The following CLASP1 variants were observed in gnomAD, a reference collection of about 807,000 sequenced individuals.
CLASP1 encodes cytoplasmic linker associated protein 1, also known as CLIP-associating protein 1.
A neutral mutation model predicts 192.3 loss-of-function variants in CLASP1; 38 were observed. The ratio of observed to expected loss-of-function variants is 0.20; its 90% CI spans 0.15 to 0.26. The LOEUF is 0.26. Ranked by LOEUF, CLASP1 falls within the 10% of genes least tolerant of loss-of-function variation. CLASP1 has a pLI of 1.00. For synonymous variants in CLASP1, 691 were observed against 712.8 expected (o/e 0.97, Z 0.49); for missense variants, 1,433 against 1,932.5 (o/e 0.74, Z 4.85).
intron 2 of CLASP1, among the ~76,000 whole-genome samples, chr2:121,542,433 G>C (rs1470563689): frequency 1.3e-5 from 2 of 152,132 alleles, no homozygotes; most frequent in African/African-American, 2.4e-5. Flanking sequence ...ACTAAGTAAG[G>C]AGAAATTAGC....
At chr2:121,458,487 C>T (rs957793349) in intron 13 of CLASP1, among the ~76,000 whole-genome samples, 4 of 152,094 alleles carry the variant, frequency 2.6e-5, no homozygotes, top group South Asian at 2.1e-4. Context: ...ATACCTAAAA[C>T]GGAAGGACTG....
intron 10 of CLASP1, 104 bp from the exon 11 acceptor site, chr2:121,461,297 A>AT (rs2087885473): frequency 1.5e-6 from 1 of 659,644 alleles, no homozygotes; most frequent in South Asian, 2.1e-5. Flanking sequence ...AAAAGAAATT[A>AT]TTTTTTTAAG....
intron 2 of CLASP1, among the ~76,000 whole-genome samples, chr2:121,603,576 G>A (rs1364438266): frequency 1.3e-5 from 2 of 152,140 alleles, no homozygotes; most frequent in Non-Finnish European, 1.5e-5. Context: ...CCCACTAGTG[G>A]GAATTTATTC....
At chr2:121,379,528 T>C (rs1392975029) in intron 33 of CLASP1, among the ~76,000 whole-genome samples, 2 of 152,152 alleles carry the variant, frequency 1.3e-5, no homozygotes, top group Non-Finnish European at 2.9e-5. Flanking sequence ...CTATTTTTTA[T>C]ATATAAAGAC....
At chr2:121,404,308 A>G (rs2076585126) in intron 26 of CLASP1, 63 bp downstream of exon 27, 5 of 1,585,028 alleles carry the variant, frequency 3.2e-6, no homozygotes, top group South Asian at 2.3e-5. Flanking sequence ...CTTGGGTAGT[A>G]TATCACACAG....
chr2:121,614,124 G>C (rs995806345), intron 1 of CLASP1, among the ~76,000 whole-genome samples: 27 of 152,340 alleles, frequency 1.8e-4, no homozygotes, highest in African/African-American at 6.3e-4. Flanking sequence ...GGACTCCTGA[G>C]ACCTGGGATC....
chr2:121,416,550 G>GT (rs1399463156), intron 23 of CLASP1, among the ~76,000 whole-genome samples: 4 of 152,148 alleles, frequency 2.6e-5, no homozygotes, highest in African/African-American at 4.8e-5. Context: ...TTCAGAGGAT[G>GT]TGTAGTAAGC....
chr2:121,382,889 T>A (rs541569711), intron 32 of CLASP1, among the ~76,000 whole-genome samples: 1 of 152,370 alleles, frequency 6.6e-6, no homozygotes, highest in East Asian at 1.9e-4. Context: ...CAGCACAAGC[T>A]GTTTCCTTCT....
intron 34 of CLASP1, among the ~76,000 whole-genome samples, chr2:121,373,290 G>T (rs2069175011): frequency 1.3e-5 from 2 of 152,198 alleles, no homozygotes; most frequent in African/African-American, 4.8e-5. Context: ...TGCCATGATT[G>T]TAAGTTTCCT....
chr2:121,436,261 T>C (rs2082298283), intron 19 of CLASP1, among the ~76,000 whole-genome samples: 1 of 151,742 alleles, frequency 6.6e-6, no homozygotes, highest in Non-Finnish European at 1.5e-5. Context: ...CAAACTCCTG[T>C]CCTCAAGCGA....
At chr2:121,619,842 C>G (rs2067036444) in intron 1 of CLASP1, among the ~76,000 whole-genome samples, 1 of 152,022 alleles carries the variant, frequency 6.6e-6, no homozygotes, top group Non-Finnish European at 1.5e-5. Context: ...AAAGATGAAA[C>G]AAGATGGACA....
intron 23 of CLASP1, among the ~76,000 whole-genome samples, chr2:121,417,238 G>A (rs188048874): frequency 1.9e-4 from 29 of 152,236 alleles, no homozygotes; most frequent in Admixed American, 8.5e-4. Context: ...CACCTTGCCT[G>A]CTCCACATGC....
chr2:121,471,530 A>G (rs1184474974), intron 8 of CLASP1, among the ~76,000 whole-genome samples: 6 of 152,086 alleles, frequency 3.9e-5, no homozygotes, highest in Non-Finnish European at 5.9e-5. Context: ...AAACACACAA[A>G]TAGAATCCTG....
rs115041722 is a variant in CLASP1 at position 121,476,505 on chromosome 2, G to A, written c.713-6545C>T. On this transcript the variant is annotated intron_variant, in intron 8 of 39. Transcript: ENST00000263710. Reference sequence around the variant, plus strand: ...AAGCTTTGGGCCATACTGTTCGCTCGGAAAATTTAAACACTCATCTATAAC... The same window carrying A: ...AAGCTTTGGGCCATACTGTTCGCTCAGAAAATTTAAACACTCATCTATAAC... Among the ~76,000 whole-genome samples, 775 of 152,224 alleles carry A rather than the reference G, an allele frequency of 5.1e-3. 3 individuals are homozygous for A. Among genetic ancestry groups the A allele is most frequent in the Middle Eastern group, 0.024 (7 of 294 alleles).
At chr2:121,524,377 A>C (rs1429163173) in intron 6 of CLASP1, among the ~76,000 whole-genome samples, 3 of 152,156 alleles carry the variant, frequency 2.0e-5, no homozygotes, top group Non-Finnish European at 1.5e-5. Context: ...AGTACAATTT[A>C]TTTTTAAATT....
intron 1 of CLASP1, among the ~76,000 whole-genome samples, chr2:121,612,439 G>A (rs2105998979): frequency 6.6e-6 from 1 of 151,428 alleles, no homozygotes; most frequent in Non-Finnish European, 1.5e-5. Flanking sequence ...AGAGGAGGAG[G>A]ACTTGGAGGA....
intron 37 of CLASP1, among the ~76,000 whole-genome samples, chr2:121,354,022 G>T (rs1201763425): frequency 6.6e-6 from 1 of 152,092 alleles, no homozygotes; most frequent in Non-Finnish European, 1.5e-5. Context: ...CAAATGATCT[G>T]CCCACCTCAG....
At chr2:121,341,340 C>T (rs577083130) in intron 39 of CLASP1, among the ~76,000 whole-genome samples, 66 of 152,228 alleles carry the variant, frequency 4.3e-4, no homozygotes, top group Non-Finnish European at 4.3e-4. Context: ...CCCCGCTCCA[C>T]AGGGGGGAAG....
chr2:121,385,419 CTCTT>C (rs1401719851), intron 32 of CLASP1, among the ~76,000 whole-genome samples: 4 of 152,100 alleles, frequency 2.6e-5, no homozygotes, highest in African/African-American at 9.7e-5. Flanking sequence ...GAAAATAAAT[CTCTT>C]TGTTTCTTCC....
Sources: allele counts gnomAD v4.1 joint callset (sites outside exome capture counted in the v4.1 genomes callset), GRCh38; gene constraint gnomAD v4.1.1; transcripts MANE v1.5; gene names NCBI Gene and HGNC (gene_info 2026-07-23, HGNC 2026-07-21).